Variants in PRDM16 observed in about 807,000 individuals in gnomAD.
The protein encoded by PRDM16 is PR/SET domain 16, also known as histone-lysine N-methyltransferase PRDM16.
In PRDM16, 23 loss-of-function variants were observed where a neutral mutation model predicts 110.6. The ratio of observed to expected loss-of-function variants is 0.21; its 90% CI spans 0.15 to 0.29. PRDM16 has a LOEUF of 0.29. Among genes scored for constraint, PRDM16 ranks in the 10% least tolerant of loss-of-function variants. The probability of loss-of-function intolerance (pLI) is 1.00; values close to 1 mark genes in which losing one functional copy is unlikely to be tolerated. For synonymous variants in PRDM16, 799 were observed against 781.8 expected (o/e 1.02, Z -0.37); for missense variants, 1,615 against 1,794.3 (o/e 0.90, Z 1.81).
chr1:3,186,555 C>T (rs1452101405), intron 2 of PRDM16, 81 bp downstream of exon 2: 2 of 980,816 alleles, frequency 2.0e-6, no homozygotes, highest in African/African-American at 3.3e-5. Flanking sequence ...GCTGAGCAGC[C>T]ACTGCCCGAG....
intron 1 of PRDM16, among the ~76,000 whole-genome samples, chr1:3,171,661 G>A (rs1301131725): frequency 1.3e-5 from 2 of 152,186 alleles, no homozygotes; most frequent in African/African-American, 2.4e-5. Context: ...TGCCCTCCTC[G>A]GGCTGGCAAG....
chr1:3,110,023 G>C (rs976520164), intron 1 of PRDM16, among the ~76,000 whole-genome samples: 13 of 149,018 alleles, frequency 8.7e-5, no homozygotes, highest in Middle Eastern at 3.7e-3. Flanking sequence ...CAGTGTCTGC[G>C]GCTCCCCCAT....
chr1:3,108,458 A>G (rs1642715435), intron 1 of PRDM16, among the ~76,000 whole-genome samples: 1 of 152,240 alleles, frequency 6.6e-6, no homozygotes, highest in South Asian at 2.1e-4. Flanking sequence ...CACCTCTGTG[A>G]CAGTCAAAGT....
chr1:3,340,502 T>C (rs916699018), intron 3 of PRDM16, among the ~76,000 whole-genome samples: 3 of 152,156 alleles, frequency 2.0e-5, no homozygotes, highest in Non-Finnish European at 4.4e-5. Flanking sequence ...CGAGGGAAAA[T>C]AAAACAATTA....
chr1:3,326,318 G>T (rs558108456), intron 3 of PRDM16, among the ~76,000 whole-genome samples: 24 of 152,354 alleles, frequency 1.6e-4, no homozygotes, highest in African/African-American at 5.5e-4. Context: ...TCCTTGTTCA[G>T]AGCCCATCCT....
At chr1:3,343,663 T>C (rs1432392203) in intron 3 of PRDM16, among the ~76,000 whole-genome samples, 2 of 152,164 alleles carry the variant, frequency 1.3e-5, no homozygotes, top group African/African-American at 4.8e-5. Flanking sequence ...AGATGGAGTC[T>C]CGCTCTGTCA....
At chr1:3,380,369 C>T (rs1314641007) in intron 3 of PRDM16, among the ~76,000 whole-genome samples, 1 of 152,040 alleles carries the variant, frequency 6.6e-6, no homozygotes, top group African/African-American at 2.4e-5. Context: ...CCAGGTGTAA[C>T]TCCCACCCTG....
chr1:3,303,596 A>G (rs6670518), intron 3 of PRDM16, among the ~76,000 whole-genome samples: 18,134 of 152,274 alleles, frequency 0.12, 3,570 homozygotes, highest in African/African-American at 0.41. Context: ...TGGCATTACC[A>G]GGTCATCCAA....
intron 2 of PRDM16, among the ~76,000 whole-genome samples, chr1:3,242,873 C>T (rs938456440): frequency 6.6e-6 from 1 of 152,184 alleles, no homozygotes; most frequent in Non-Finnish European, 1.5e-5. Flanking sequence ...CTTATGGAAA[C>T]AACGTTGCGG....
intron 3 of PRDM16, among the ~76,000 whole-genome samples, chr1:3,293,278 C>T (rs1006198057): frequency 6.6e-6 from 1 of 152,244 alleles, no homozygotes; most frequent in Non-Finnish European, 1.5e-5. Flanking sequence ...CCAGGGGTTC[C>T]CTCTCCACCT....
chr1:3,233,507 C>T (rs751455128), intron 2 of PRDM16, among the ~76,000 whole-genome samples: 1 of 152,172 alleles, frequency 6.6e-6, no homozygotes, highest in Non-Finnish European at 1.5e-5. Flanking sequence ...CATGGAACAT[C>T]CCCTGCTCAC....
At chr1:3,203,754 C>T (rs1015889585) in intron 2 of PRDM16, among the ~76,000 whole-genome samples, 3 of 152,210 alleles carry the variant, frequency 2.0e-5, no homozygotes, top group Non-Finnish European at 2.9e-5. Context: ...ACCCTACCTG[C>T]GTTAACTCAT....
intron 3 of PRDM16, among the ~76,000 whole-genome samples, chr1:3,267,653 AGCGGCCTCACAGAGCGGCTGAAGGG>A (rs1640325948): frequency 6.6e-6 from 1 of 152,188 alleles, no homozygotes. Flanking sequence ...AGAAACGAGG[AGCGGCCTCACAGAGCGGCTGAAGGG>A]GCGGCCCCTC....
In PRDM16 at chr1:3,255,523, T is replaced by C. The variant is rs1276470620; in HGVS notation, c.438+11386T>C. Among the ~76,000 whole-genome samples, 1 of 151,888 alleles carries C rather than the reference T, an allele frequency of 6.6e-6. No homozygotes were observed. Among genetic ancestry groups the C allele is most frequent in the Non-Finnish European group, 1.5e-5 (1 of 67,998 alleles). On this transcript the variant is annotated intron_variant, in intron 3 of 16. Coordinates refer to ENST00000270722, the MANE Select transcript of PRDM16 (RefSeq NM_022114.4). The surrounding 1 kb of genome is among the most constrained non-coding windows in gnomAD (Gnocchi z 4.7). ...GGAGTCCTGGGAGGAGGTGTGGCAT[T>C]CATCTGTGGCCACAGTGGCACGGGG...
intron 1 of PRDM16, among the ~76,000 whole-genome samples, chr1:3,181,091 TACACAC>T: frequency 7.8e-6 from 1 of 127,608 alleles, no homozygotes; most frequent in Non-Finnish European, 1.6e-5. Flanking sequence ...CACACGGCCT[TACACAC>T]GCAGTCTTAC....
intron 1 of PRDM16, among the ~76,000 whole-genome samples, chr1:3,121,015 T>A (rs1643082879): frequency 6.6e-6 from 1 of 152,240 alleles, no homozygotes; most frequent in South Asian, 2.1e-4. Context: ...TGTTAGAATC[T>A]TGTGCTGGGA....
chr1:3,302,917 T>TG (rs550879081), intron 3 of PRDM16, among the ~76,000 whole-genome samples: 173 of 152,234 alleles, frequency 1.1e-3, no homozygotes, highest in Non-Finnish European at 2.2e-3. Context: ...TGTATTGATT[T>TG]GGGGGTCACA....
chr1:3,372,449 T>C (rs1642922974), intron 3 of PRDM16, among the ~76,000 whole-genome samples: 1 of 152,228 alleles, frequency 6.6e-6, no homozygotes, highest in South Asian at 2.1e-4. Context: ...AGAAAGGTTA[T>C]GAATGTGACA....
At chr1:3,124,677 G>A (rs999144735) in intron 1 of PRDM16, among the ~76,000 whole-genome samples, 7 of 152,212 alleles carry the variant, frequency 4.6e-5, no homozygotes, top group Non-Finnish European at 8.8e-5. Context: ...AATGAGGGCC[G>A]GGGGTCAGGT....
Sources: allele counts gnomAD v4.1 joint callset (sites outside exome capture counted in the v4.1 genomes callset), GRCh38; gene constraint gnomAD v4.1.1; non-coding constraint Gnocchi (gnomAD v3.1); transcripts MANE v1.5; gene names NCBI Gene and HGNC (gene_info 2026-07-23, HGNC 2026-07-21).